CYLD: variants seen among roughly 807,000 people sequenced by gnomAD.
CYLD encodes CYLD lysine 63 deubiquitinase.
A neutral mutation model predicts 104.5 loss-of-function variants in CYLD; 26 were observed. That is an observed-to-expected ratio of 0.25 (90% CI 0.18 to 0.35). CYLD has a LOEUF of 0.35. Among genes scored for constraint, CYLD ranks in the 10% least tolerant of loss-of-function variants. CYLD has a pLI of 1.00. For missense variants in CYLD, 703 were observed against 1,136.1 expected, an observed-to-expected ratio of 0.62 and a Z score of 5.48; for synonymous variants, 385 against 399.9, an observed-to-expected ratio of 0.96 and a Z score of 0.45.
intron 3 of CYLD, 129 bp from the exon 4 acceptor site, chr16:50,751,475 T>C: frequency 1.5e-6 from 1 of 678,492 alleles, no homozygotes; most frequent in East Asian, 2.7e-5. Flanking sequence ...TGCTAATAAT[T>C]GTATTTCTTA....
rs750391169 is a variant in CYLD at position 50,751,952 on chromosome 16, T to C, written c.807+46T>C. ...ATATCTTTGTGATATATATATTAGT[T>C]TATATATATATGTATATATATATAT... On this transcript the variant is annotated intron_variant, in intron 4 of 18. Coordinates refer to ENST00000427738, the MANE Select transcript of CYLD (RefSeq NM_001378743.1). 2.4e-4 allele frequency: 196 copies of C among 818,778 alleles called. 1 individual carries two copies. The highest frequency in any genetic ancestry group is 3.3e-4 in the Non-Finnish European group (183 of 558,064). 50.7% of individuals were successfully genotyped at this position (818,778 alleles called of 1,614,324 possible). A position where few individuals can be genotyped will look rare whatever the true frequency, so the allele number is the denominator to read the frequency against.
chr16:50,786,955 C>T lies in CYLD; in HGVS notation c.2041+9C>T. ...TACCTCTGAAGAAAAAGGTGACCAT[C>T]TTAACTTATATGCGTTAAAAATAAC... is the stretch of plus-strand genomic sequence containing the variant. On this transcript the variant is annotated intron_variant, in intron 13 of 18. Transcript: ENST00000427738. The T allele has an allele frequency of 6.2e-7, 1 of 1,604,598 alleles. No individual in the cohort carries two copies. Among genetic ancestry groups the T allele is most frequent in the East Asian group, 2.2e-5 (1 of 44,784 alleles).
intron 3 of CYLD, among the ~76,000 whole-genome samples, chr16:50,750,878 T>G (rs1018546708): frequency 1.3e-5 from 2 of 152,220 alleles, no homozygotes. Flanking sequence ...AATTTAAACT[T>G]GCTTATAATT....
chr16:50,756,171 G>A (rs1013379312), intron 5 of CYLD, among the ~76,000 whole-genome samples: 25 of 152,098 alleles, frequency 1.6e-4, no homozygotes, highest in African/African-American at 4.1e-4. Context: ...GTTTCCAGAC[G>A]TATATGAGTA....
intron 5 of CYLD, among the ~76,000 whole-genome samples, chr16:50,774,156 A>G (rs1006142696): frequency 2.0e-5 from 3 of 152,238 alleles, no homozygotes; most frequent in Non-Finnish European, 2.9e-5. Context: ...AAAATGTTAT[A>G]TGCAGTTAAT....
Position 50,798,800 on chromosome 16 carries a change from A to G in CYLD, c.*2292A>G. The G allele has an allele frequency of 4.3e-6, 1 of 233,416 alleles. No individual in the cohort carries two copies. The highest frequency in any genetic ancestry group is 6.0e-5 in the East Asian group (1 of 16,728). 14.5% of individuals were successfully genotyped at this position (233,416 alleles called of 1,614,324 possible). ...GTTAAATGGGAGGGCCTCATCCATA[A>G]ATGATTTCTGGCAACGTCTTCTTCA... On this transcript the variant is annotated 3_prime_UTR_variant, in exon 19 of 19. Transcript: ENST00000427738.
At position 50,799,900 on chromosome 16, in the gene CYLD, A is replaced by G. The variant is rs1972335871; in HGVS notation, c.*3392A>G. On this transcript the variant is annotated 3_prime_UTR_variant, in exon 19 of 19. Coordinates refer to ENST00000427738, the MANE Select transcript of CYLD (RefSeq NM_001378743.1). ...ACCAAGAAGTATTTATCGGACACTT[A>G]CTAGGTGCCTAGGATTGTATCAGAG... 1 of 232,962 alleles carries G rather than the reference A, an allele frequency of 4.3e-6. No individual in the cohort carries two copies. The highest frequency in any genetic ancestry group is 5.6e-5 in the Admixed American group (1 of 17,760). 14.4% of individuals were successfully genotyped at this position (232,962 alleles called of 1,614,324 possible). A position where few individuals can be genotyped will look rare whatever the true frequency, so the allele number is the denominator to read the frequency against.
intron 3 of CYLD, among the ~76,000 whole-genome samples, chr16:50,750,550 G>A (rs1160277921): frequency 1.3e-5 from 2 of 152,124 alleles, no homozygotes; most frequent in Admixed American, 1.3e-4. Context: ...AGAATTGTAT[G>A]CCTTCTTTGC....
At chr16:50,791,082 A>G (rs1033462146) in intron 14 of CYLD, among the ~76,000 whole-genome samples, 3 of 152,228 alleles carry the variant, frequency 2.0e-5, no homozygotes, top group Non-Finnish European at 4.4e-5. Flanking sequence ...CTGAGAAGTC[A>G]TTCTCCTTCC....
At chr16:50,758,363 G>T (rs941309542) in intron 5 of CYLD, among the ~76,000 whole-genome samples, 2 of 152,134 alleles carry the variant, frequency 1.3e-5, no homozygotes, top group African/African-American at 4.8e-5. Context: ...GAGCCGCAGT[G>T]GGAGCTGGAA....
chr16:50,781,669 A>G (rs1358974996), intron 10 of CYLD, among the ~76,000 whole-genome samples: 2 of 152,132 alleles, frequency 1.3e-5, no homozygotes, highest in Non-Finnish European at 2.9e-5. Context: ...CCTGTTGATG[A>G]CAGACATTTA....
chr16:50,742,303 C>G (rs1343428108), intron 1 of CYLD, 179 bp downstream of exon 1: 1 of 150,936 alleles, frequency 6.6e-6, no homozygotes, highest in East Asian at 1.9e-4. Context: ...CCGGAGCCGC[C>G]GCGGCGACCA....
chr16:50,754,765 GAATAATAGCCTCC>G (rs1000846570), intron 5 of CYLD, among the ~76,000 whole-genome samples: 11 of 151,440 alleles, frequency 7.3e-5, no homozygotes, highest in Non-Finnish European at 1.5e-4. Context: ...ACTTCTCTTA[GAATAATAGCCTCC>G]AATTCCATCC....
At chr16:50,772,979 C>A (rs910339482) in intron 5 of CYLD, among the ~76,000 whole-genome samples, 2 of 152,164 alleles carry the variant, frequency 1.3e-5, no homozygotes, top group Non-Finnish European at 2.9e-5. Context: ...TTATTCTGAG[C>A]AGGAACCCAA....
chr16:50,796,247 T>A, intron 18 of CYLD, 77 bp from the exon 19 acceptor site: 1 of 1,454,250 alleles, frequency 6.9e-7, no homozygotes, highest in Non-Finnish European at 9.6e-7. Context: ...TTTTTGGAAA[T>A]GATAGGATTA....
At chr16:50,752,145 A>G (rs530764852) in intron 4 of CYLD, among the ~76,000 whole-genome samples, 2 of 151,710 alleles carry the variant, frequency 1.3e-5, no homozygotes, top group South Asian at 4.2e-4. Context: ...TTGGTAAAGG[A>G]GCATTGAAAT....
At position 50,777,818 on chromosome 16, in the gene CYLD, C is replaced by T. The variant is rs1969839532; in HGVS notation, c.1022-7C>T. 1.4e-6 allele frequency: 2 copies of T among 1,450,798 alleles called. No homozygotes were observed. Among genetic ancestry groups the T allele is most frequent in the African/African-American group, 2.8e-5 (2 of 71,612 alleles). The allele number at this position is 1,450,798 out of a possible 1,614,324, so 89.9% of individuals were successfully genotyped here. A position where few individuals can be genotyped will look rare whatever the true frequency, so the allele number is the denominator to read the frequency against. On this transcript the variant is annotated splice_polypyrimidine_tract_variant and splice_region_variant and intron_variant, in intron 7 of 18. Coordinates refer to ENST00000427738, the MANE Select transcript of CYLD (RefSeq NM_001378743.1). ...ATTTTTAAATGAAACTTTTCTTGTT[C>T]CTATAGGATCTACCTCAGACCCTGG... is the stretch of plus-strand genomic sequence containing the variant.
At chr16:50,755,151 G>GCA (rs1567427316) in intron 5 of CYLD, among the ~76,000 whole-genome samples, 5 of 36,680 alleles carry the variant, frequency 1.4e-4, no homozygotes, top group African/African-American at 7.0e-4. Flanking sequence ...ACATATGTGT[G>GCA]TATATACACA....
In CYLD at chr16:50,797,435, GA is replaced by G. The variant is rs1972145962; in HGVS notation, c.*929del. The G allele has an allele frequency of 4.3e-6, 1 of 232,156 alleles. No individual in the cohort carries two copies. Among genetic ancestry groups the G allele is most frequent in the South Asian group, 1.8e-4 (1 of 5,524 alleles). The allele number at this position is 232,156 out of a possible 1,614,324, so 14.4% of individuals were successfully genotyped here. A position where few individuals can be genotyped will look rare whatever the true frequency, so the allele number is the denominator to read the frequency against. On this transcript the variant is annotated 3_prime_UTR_variant, in exon 19 of 19. Transcript: ENST00000427738. ...CTATTATTTTAGACAAGACTGTCTA[GA>G]ACTTAAGTTTGATCTGTCAGCCAGT...
Sources: allele counts gnomAD v4.1 joint callset (sites outside exome capture counted in the v4.1 genomes callset), GRCh38; gene constraint gnomAD v4.1.1; transcripts MANE v1.5; gene names NCBI Gene and HGNC (gene_info 2026-07-23, HGNC 2026-07-21).